Variants in FHOD3 observed in about 807,000 individuals in gnomAD.
The protein encoded by FHOD3 is FH1/FH2 domain-containing protein 3.
Under a neutral mutation model 173.0 loss-of-function variants are expected in FHOD3, and 90 were observed. That is an observed-to-expected ratio of 0.52 (90% CI 0.44 to 0.62). The LOEUF (loss-of-function observed/expected upper bound fraction) is 0.62, where lower values mean the gene tolerates loss of function less well. FHOD3 is among the 20% of genes least tolerant of loss of function. The pLI, the probability that FHOD3 is intolerant of heterozygous loss-of-function variation, is 0.00. For synonymous variants in FHOD3, 828 were observed against 823.0 expected, an observed-to-expected ratio of 1.01 and a Z score of -0.10; for missense variants, 1,945 against 2,034.7, an observed-to-expected ratio of 0.96 and a Z score of 0.85.
chr18:36,708,344 CATT>C (rs1209419015), intron 17 of FHOD3, among the ~76,000 whole-genome samples: 1 of 152,220 alleles, frequency 6.6e-6, no homozygotes, highest in Non-Finnish European at 1.5e-5. Context: ...TTTCAGGACA[CATT>C]AGCTGTTTTT....
chr18:36,391,089 C>G (rs2048281657), intron 3 of FHOD3, among the ~76,000 whole-genome samples: 1 of 152,256 alleles, frequency 6.6e-6, no homozygotes, highest in African/African-American at 2.4e-5. Flanking sequence ...AGTCAGAATT[C>G]TGCTGCTTTT....
At chr18:36,582,182 G>T (rs971018806) in intron 6 of FHOD3, among the ~76,000 whole-genome samples, 1 of 152,184 alleles carries the variant, frequency 6.6e-6, no homozygotes, top group Admixed American at 6.5e-5. Flanking sequence ...AAGTGCCATG[G>T]AGCCTGGTGC....
chr18:36,653,981 A>G (rs2036240443), intron 13 of FHOD3, among the ~76,000 whole-genome samples: 1 of 152,200 alleles, frequency 6.6e-6, no homozygotes, highest in Non-Finnish European at 1.5e-5. Flanking sequence ...CTCAGCTAGT[A>G]TGTTGCGAGG....
intron 3 of FHOD3, among the ~76,000 whole-genome samples, chr18:36,424,193 C>G (rs1483011611): frequency 2.0e-5 from 3 of 152,194 alleles, no homozygotes; most frequent in African/African-American, 4.8e-5. Flanking sequence ...CCCACAATTA[C>G]AAGCCTTTCC....
In FHOD3 at chr18:36,746,964, A is replaced by G. The variant is rs1445772251; in HGVS notation, c.4061A>G (p.Gln1354Arg). Residue 1354 changes from glutamine (Q) to arginine (R), a missense_variant, in exon 24 of 29, where the codon CAG becomes CGG. Gln to Arg is a conservative substitution (Grantham distance 43). This residue lies in a region of FHOD3 where 354 missense variants were observed against 359.9 expected (regional missense o/e 0.98). Transcript: ENST00000590592. The part of the protein sequence containing the change: ...RSAKVDFDQL[Q>R]DNLCQMERRC... ...TTTCAGGTTGACTTTGATCAACTTC[A>G]GGATAATTTATGTCAGATGGAGAGA... 1 of 1,610,444 alleles carries G rather than the reference A, an allele frequency of 6.2e-7. No homozygotes were observed. Among genetic ancestry groups the G allele is most frequent in the Admixed American group, 1.7e-5 (1 of 58,990 alleles).
chr18:36,464,498 G>C (rs2052784669), intron 3 of FHOD3, among the ~76,000 whole-genome samples: 1 of 152,192 alleles, frequency 6.6e-6, no homozygotes, highest in African/African-American at 2.4e-5. Flanking sequence ...GGGATGGATT[G>C]GCTCCTGTGG....
At chr18:36,511,682 G>A (rs557517380) in intron 4 of FHOD3, among the ~76,000 whole-genome samples, 6 of 152,290 alleles carry the variant, frequency 3.9e-5, no homozygotes, top group East Asian at 1.9e-4. Flanking sequence ...CAGGAGGGCC[G>A]TAGTGGGGCT....
intron 12 of FHOD3, 64 bp from the exon 13 acceptor site, chr18:36,653,278 T>C: frequency 7.9e-7 from 1 of 1,259,756 alleles, no homozygotes; most frequent in Non-Finnish European, 1.1e-6. Flanking sequence ...CGCTGAAGAA[T>C]GTATCAAAGT....
chr18:36,414,700 C>A (rs918103127), intron 3 of FHOD3, among the ~76,000 whole-genome samples: 4 of 152,196 alleles, frequency 2.6e-5, no homozygotes, highest in Admixed American at 2.6e-4. Flanking sequence ...AAGCCACCAT[C>A]CCCACTGTTT....
intron 3 of FHOD3, among the ~76,000 whole-genome samples, chr18:36,479,901 C>G (rs1599310773): frequency 1.3e-5 from 2 of 152,142 alleles, no homozygotes; most frequent in East Asian, 3.9e-4. Context: ...CTATTCTTCC[C>G]ACAGTTCTTC....
chr18:36,347,219 A>G (rs1172437716), intron 1 of FHOD3, among the ~76,000 whole-genome samples: 1 of 152,270 alleles, frequency 6.6e-6, no homozygotes, highest in Non-Finnish European at 1.5e-5. Context: ...AAAGGTGCCT[A>G]TAGACATAAG....
intron 2 of FHOD3, among the ~76,000 whole-genome samples, chr18:36,362,531 C>T (rs2046679305): frequency 6.6e-6 from 1 of 152,142 alleles, no homozygotes; most frequent in Non-Finnish European, 1.5e-5. Flanking sequence ...GAAATGTTGG[C>T]TGGGGACCCA....
chr18:36,608,794 G>A (rs1187876120), intron 8 of FHOD3, among the ~76,000 whole-genome samples: 1 of 152,106 alleles, frequency 6.6e-6, no homozygotes, highest in Non-Finnish European at 1.5e-5. Context: ...AATGCCTTTT[G>A]AGATTAATCT....
chr18:36,623,987 A>G (rs1334588270), intron 9 of FHOD3, among the ~76,000 whole-genome samples: 5 of 152,236 alleles, frequency 3.3e-5, no homozygotes, highest in Non-Finnish European at 5.9e-5. Flanking sequence ...GTGGTTAGCT[A>G]TCTGAGTCTT....
intron 5 of FHOD3, among the ~76,000 whole-genome samples, chr18:36,543,575 T>G (rs2147154084): frequency 6.6e-6 from 1 of 152,312 alleles, no homozygotes; most frequent in Middle Eastern, 3.4e-3. Flanking sequence ...TAGAACATTC[T>G]TGAAGTTTCC....
At chr18:36,630,154 C>T (rs1320912975) in intron 10 of FHOD3, among the ~76,000 whole-genome samples, 2 of 152,142 alleles carry the variant, frequency 1.3e-5, no homozygotes, top group African/African-American at 4.8e-5. Context: ...GAACTCTGTG[C>T]ACCTACCTTA....
intron 3 of FHOD3, among the ~76,000 whole-genome samples, chr18:36,406,846 C>A (rs1598995439): frequency 6.6e-6 from 1 of 152,126 alleles, no homozygotes; most frequent in South Asian, 2.1e-4. Context: ...TGTGATCAGA[C>A]CATGTGTGTG....
chr18:36,366,054 A>G (rs1435370656), intron 2 of FHOD3, among the ~76,000 whole-genome samples: 1 of 152,186 alleles, frequency 6.6e-6, no homozygotes, highest in Non-Finnish European at 1.5e-5. Context: ...CAGTTAAAGT[A>G]GATGACTCAT....
chr18:36,756,379 A>G (rs2042635465), intron 25 of FHOD3, among the ~76,000 whole-genome samples: 2 of 152,086 alleles, frequency 1.3e-5, no homozygotes, highest in Non-Finnish European at 2.9e-5. Flanking sequence ...CTGTGCGTGC[A>G]TTTGAGTAGC....
Sources: allele counts gnomAD v4.1 joint callset (sites outside exome capture counted in the v4.1 genomes callset), GRCh38; gene constraint gnomAD v4.1.1; regional missense constraint gnomAD v4.1.1; transcripts MANE v1.5; gene names NCBI Gene and HGNC (gene_info 2026-07-23, HGNC 2026-07-21).